Variants in SPHKAP observed in about 807,000 individuals in gnomAD.
The protein encoded by SPHKAP is A-kinase anchor protein SPHKAP.
In SPHKAP, 67 loss-of-function variants were observed where a neutral mutation model predicts 137.5. The ratio of observed to expected loss-of-function variants is 0.49; its 90% CI spans 0.40 to 0.60. The LOEUF (loss-of-function observed/expected upper bound fraction) is 0.60, where lower values mean the gene tolerates loss of function less well. Among genes scored for constraint, SPHKAP ranks in the 20% least tolerant of loss-of-function variants. The pLI, the probability that SPHKAP is intolerant of heterozygous loss-of-function variation, is 0.00. For missense variants in SPHKAP, 2,097 were observed against 2,069.3 expected, an observed-to-expected ratio of 1.01 and a Z score of -0.26; for synonymous variants, 813 against 785.3, an observed-to-expected ratio of 1.04 and a Z score of -0.59.
intron 11 of SPHKAP, among the ~76,000 whole-genome samples, chr2:227,990,262 G>C (rs1275078337): frequency 1.3e-5 from 2 of 152,224 alleles, no homozygotes; most frequent in Non-Finnish European, 2.9e-5. Flanking sequence ...ACAGAGCTGA[G>C]TGCTGTTTTA....
chr2:228,178,225 G>A (rs1319418998), intron 1 of SPHKAP, among the ~76,000 whole-genome samples: 3 of 152,140 alleles, frequency 2.0e-5, no homozygotes, highest in Non-Finnish European at 4.4e-5. Flanking sequence ...CTTGAAGGCA[G>A]AAAAATTTTG....
chr2:228,017,027 G>A lies in SPHKAP; in HGVS notation c.3827C>T (p.Pro1276Leu), dbSNP rs764243029. The A allele has an allele frequency of 5.2e-5, 84 of 1,614,128 alleles. No individual in the cohort carries two copies. Among genetic ancestry groups the A allele is most frequent in the Non-Finnish European group, 6.6e-5 (78 of 1,180,014 alleles). Residue 1276 changes from proline (P) to leucine (L), a missense_variant, in exon 7 of 12, where the codon CCG (proline) becomes CTG (leucine). Pro to Leu is a moderately conservative substitution (Grantham distance 98, BLOSUM62 -3). Transcript: ENST00000392056. ...NCPQDFLSVQPVSSASSSGLC... is the reference protein window; with the variant it reads ...NCPQDFLSVQLVSSASSSGLC... ...ACCGGATGAGGACGCGCTACTGACC[G>A]GCTGCACGCTTAGGAAATCTTGTGG...
intron 3 of SPHKAP, among the ~76,000 whole-genome samples, chr2:228,054,399 A>G (rs958781535): frequency 5.3e-5 from 8 of 152,168 alleles, no homozygotes; most frequent in African/African-American, 1.7e-4. Flanking sequence ...GGCAAGAGAC[A>G]TTGCAATGGG....
intron 1 of SPHKAP, among the ~76,000 whole-genome samples, chr2:228,166,306 C>A (rs1700421757): frequency 6.6e-6 from 1 of 152,160 alleles, no homozygotes; most frequent in African/African-American, 2.4e-5. Context: ...ACAAAATGAA[C>A]TAATTTCCCT....
At chr2:228,099,916 C>T (rs1574849072) in intron 3 of SPHKAP, among the ~76,000 whole-genome samples, 1 of 151,706 alleles carries the variant, frequency 6.6e-6, no homozygotes, top group South Asian at 2.1e-4. Flanking sequence ...GTGGCGCAAT[C>T]TCGGCTCACT....
At chr2:228,002,717 T>TTGAA (rs1358084858) in intron 7 of SPHKAP, among the ~76,000 whole-genome samples, 5 of 152,222 alleles carry the variant, frequency 3.3e-5, no homozygotes, top group Non-Finnish European at 5.9e-5. Flanking sequence ...CATGTAAGTC[T>TTGAA]TTAATCCATC....
chr2:228,095,762 G>C (rs554812474), intron 3 of SPHKAP, among the ~76,000 whole-genome samples: 2 of 152,146 alleles, frequency 1.3e-5, no homozygotes, highest in East Asian at 3.8e-4. Context: ...TTGGAGAAAC[G>C]TAAGTATTTG....
chr2:228,156,614 A>G (rs1700114178), intron 1 of SPHKAP, among the ~76,000 whole-genome samples: 3 of 152,248 alleles, frequency 2.0e-5, no homozygotes, highest in Admixed American at 2.0e-4. Context: ...TTCAACAAAT[A>G]GCTACTGATA....
intron 3 of SPHKAP, among the ~76,000 whole-genome samples, chr2:228,062,142 A>G (rs1434638850): frequency 1.3e-5 from 2 of 151,854 alleles, no homozygotes; most frequent in South Asian, 4.2e-4. Context: ...CTGTAGGTCA[A>G]CCACTCCCCT....
intron 3 of SPHKAP, among the ~76,000 whole-genome samples, chr2:228,083,565 C>T (rs1697435823): frequency 6.6e-6 from 1 of 152,080 alleles, no homozygotes; most frequent in African/African-American, 2.4e-5. Context: ...CCATTTGACC[C>T]AGCAATCCCA....
intron 7 of SPHKAP, among the ~76,000 whole-genome samples, chr2:228,012,525 C>T (rs1370356149): frequency 2.6e-5 from 4 of 152,148 alleles, no homozygotes; most frequent in Admixed American, 2.6e-4. Flanking sequence ...TCATTTGCTA[C>T]CACATTATTT....
chr2:228,154,512 C>CTCTCTCTCTCTCTCTCTCTA (rs1393941364), intron 1 of SPHKAP, among the ~76,000 whole-genome samples: 1 of 22,066 alleles, frequency 4.5e-5, no homozygotes, highest in African/African-American at 1.8e-4. Flanking sequence ...CTCTCTCTCT[C>CTCTCTCTCTCTCTCTCTCTA]TATATATATA....
At chr2:228,086,877 A>C (rs1697555816) in intron 3 of SPHKAP, among the ~76,000 whole-genome samples, 1 of 152,182 alleles carries the variant, frequency 6.6e-6, no homozygotes, top group African/African-American at 2.4e-5. Context: ...TAGTGCCCTA[A>C]AGAGAACCAG....
intron 7 of SPHKAP, 136 bp from the exon 8 acceptor site, chr2:227,995,830 T>C (rs1259823938): frequency 7.9e-7 from 1 of 1,269,508 alleles, no homozygotes; most frequent in African/African-American, 1.5e-5. Context: ...GGCTGATCCT[T>C]CTGCTGGTGC....
intron 3 of SPHKAP, among the ~76,000 whole-genome samples, chr2:228,063,590 T>C (rs1382947011): frequency 6.6e-6 from 1 of 152,224 alleles, no homozygotes; most frequent in Non-Finnish European, 1.5e-5. Context: ...ATTATGAACA[T>C]AGCAATGAAC....
intron 3 of SPHKAP, among the ~76,000 whole-genome samples, chr2:228,060,593 G>T (rs1187946134): frequency 6.6e-6 from 1 of 152,160 alleles, no homozygotes; most frequent in East Asian, 1.9e-4. Flanking sequence ...CCAAACAAGG[G>T]TGTTTTTCTT....
In SPHKAP at chr2:228,007,390, T is replaced by C. The variant is rs1188757793; in HGVS notation, c.4448+9016A>G. 5.3e-5 allele frequency among the ~76,000 whole-genome samples: 8 copies of C among 152,276 alleles called. No individual in the cohort carries two copies. The East Asian group carries it at 1.5e-3, about 29-fold the overall frequency. On this transcript the variant is annotated intron_variant, in intron 7 of 11. Coordinates refer to ENST00000392056, the MANE Select transcript of SPHKAP (RefSeq NM_001142644.2). Reference sequence around the variant, plus strand: ...ACATTATTATTAACTGTAGTCACCTTTCTGTGCAATAGAGCACCAGAACAT... The same window carrying C: ...ACATTATTATTAACTGTAGTCACCTCTCTGTGCAATAGAGCACCAGAACAT...
chr2:228,055,066 T>C, intron 3 of SPHKAP, among the ~76,000 whole-genome samples: 1 of 142,758 alleles, frequency 7.0e-6, no homozygotes, highest in African/African-American at 2.6e-5. Flanking sequence ...CACTTGAACC[T>C]GGGAGGCAGA....
chr2:228,157,569 A>G (rs1405532012), intron 1 of SPHKAP, among the ~76,000 whole-genome samples: 1 of 152,138 alleles, frequency 6.6e-6, no homozygotes, highest in East Asian at 1.9e-4. Flanking sequence ...ACCTGTTATT[A>G]CTCCTTTTTA....
Sources: gnomAD v4.1 joint callset for allele counts (sites outside exome capture counted in the v4.1 genomes callset) on GRCh38, gnomAD v4.1.1 for gene constraint, MANE v1.5 for transcripts, NCBI Gene and HGNC (gene_info 2026-07-23, HGNC 2026-07-21) for gene names.